CERCAM: variants seen among roughly 807,000 people sequenced by gnomAD.
CERCAM encodes the protein cerebral endothelial cell adhesion molecule.
Under a neutral mutation model 66.0 loss-of-function variants are expected in CERCAM, and 59 were observed. That is an observed-to-expected ratio of 0.89 (90% CI 0.73 to 1.11). The LOEUF is 1.11. CERCAM is among the 50% of genes most tolerant of loss of function. The probability of loss-of-function intolerance (pLI) is 0.00; values close to 1 mark genes in which losing one functional copy is unlikely to be tolerated. For synonymous variants in CERCAM, 318 were observed against 343.6 expected, an observed-to-expected ratio of 0.93 and a Z score of 0.83; for missense variants, 840 against 828.3, an observed-to-expected ratio of 1.01 and a Z score of -0.17.
At chr9:128,424,761 CT>C (rs1564426293) in intron 5 of CERCAM, 147 bp downstream of exon 5, 1 of 678,672 alleles carries the variant, frequency 1.5e-6, no homozygotes, top group African/African-American at 1.9e-5. Context: ...TTTCTTTTCT[CT>C]CTCTTTTTTT....
intron 9 of CERCAM, chr9:128,431,604 A>G: frequency 3.1e-6 from 1 of 321,364 alleles, no homozygotes; most frequent in South Asian, 4.4e-5. Context: ...CCTGGGGCTC[A>G]GGGACCAGAG....
Position 128,429,974 on chromosome 9 carries a change from G to A in CERCAM, c.1070+938G>A, listed in dbSNP as rs538739420. ...CGGATTAAAAAAAATGTTTTGTTTT[G>A]TTTTTTTTTCATAGAGATAGGGTCT... On this transcript the variant is annotated intron_variant, in intron 8 of 12. Transcript: ENST00000372838. Among the ~76,000 whole-genome samples, 434 of 149,916 alleles carry A rather than the reference G, an allele frequency of 2.9e-3. 2 individuals are homozygous for A. Among genetic ancestry groups the A allele is most frequent in the African/African-American group, 9.6e-3 (394 of 40,856 alleles).
intron 9 of CERCAM, among the ~76,000 whole-genome samples, chr9:128,432,896 C>T (rs1834007751): frequency 6.6e-6 from 1 of 151,696 alleles, no homozygotes; most frequent in South Asian, 2.1e-4. Flanking sequence ...GCCTGTAATC[C>T]CAGCTGAGGC....
In CERCAM at chr9:128,434,540, C is replaced by T. The variant is rs1267128291; in HGVS notation, c.1462C>T (p.Leu488=). The change falls in exon 11 of 13, where the codon CTG becomes TTG. Residue 488 remains leucine (L), a synonymous_variant. Transcript: ENST00000372838. This position sits in a 1 kb window ranked among gnomAD's most constrained non-coding sequence, Gnocchi z 4.5. ...ALRLAGARKL[L]ASQPLRRMLP... ...GCGTCTGGCGGGTGCCCGCAAGCTG[C>T]TGGCCTCACAGCCTCTGCGCCGCAT... is the stretch of plus-strand genomic sequence containing the variant. The T allele has an allele frequency of 6.2e-7, 1 of 1,612,540 alleles. No individual in the cohort carries two copies.
chr9:128,433,033 A>T (rs1206775858), intron 9 of CERCAM, among the ~76,000 whole-genome samples: 1 of 151,988 alleles, frequency 6.6e-6, no homozygotes, highest in African/African-American at 2.4e-5. Flanking sequence ...TAATCCCAGC[A>T]CTTTGGGAGG....
chr9:128,425,954 A>G (rs1833836675), intron 5 of CERCAM, among the ~76,000 whole-genome samples: 1 of 150,516 alleles, frequency 6.6e-6, no homozygotes. Flanking sequence ...ACAGGTGCAC[A>G]CCACCATGCC....
At chr9:128,435,152 C>T (rs1007916178) in intron 11 of CERCAM, among the ~76,000 whole-genome samples, 5 of 152,262 alleles carry the variant, frequency 3.3e-5, no homozygotes, top group East Asian at 1.9e-4. Context: ...TGCCACCACA[C>T]CAAGCTAACT....
chr9:128,429,860 C>G (rs554309050), intron 8 of CERCAM, among the ~76,000 whole-genome samples: 1 of 152,014 alleles, frequency 6.6e-6, no homozygotes, highest in East Asian at 1.9e-4. Context: ...GCAATCTTGG[C>G]TCACTGCAAC....
At chr9:128,429,826 C>G (rs546056682) in intron 8 of CERCAM, among the ~76,000 whole-genome samples, 149 of 151,014 alleles carry the variant, frequency 9.9e-4, no homozygotes, top group African/African-American at 3.6e-3. Context: ...CTCGCTCTGT[C>G]GCCCAGGCCT....
intron 5 of CERCAM, among the ~76,000 whole-genome samples, chr9:128,426,391 G>A (rs911430614): frequency 2.0e-5 from 3 of 152,096 alleles, no homozygotes; most frequent in Non-Finnish European, 4.4e-5. Context: ...TTGGGAGGCC[G>A]AGGCAGGTGG....
chr9:128,431,241 G>C lies in CERCAM; in HGVS notation c.1141G>C (p.Gly381Arg), dbSNP rs1162783935. ...LLPGYQDPYS[G>R]RTLTKGEVGC... ...CCCGGGCTACCAGGACCCTTACTCGGGCCGCACTCTGACCAAGGGCGAGGT... is the reference window on the plus strand; with the variant it reads ...CCCGGGCTACCAGGACCCTTACTCGCGCCGCACTCTGACCAAGGGCGAGGT... Residue 381 changes from glycine (G) to arginine (R), a missense_variant, in exon 9 of 13, where the codon GGC becomes CGC. Physicochemically the swap from Gly to Arg is moderately radical, Grantham distance 125. Transcript: ENST00000372838. 2 of 1,613,986 alleles carry C rather than the reference G, an allele frequency of 1.2e-6. No homozygotes were observed. Among genetic ancestry groups the C allele is most frequent in the Admixed American group, 1.7e-5 (1 of 60,006 alleles).
chr9:128,428,952 G>C lies in CERCAM; in HGVS notation c.986G>C (p.Arg329Pro), dbSNP rs748054332. The change falls in exon 8 of 13, where the codon CGC becomes CCC. Residue 329 changes from arginine to proline, a missense_variant. Transcript: ENST00000372838. ...FDEVFVISLA[R>P]RPDRRERMLA... ...CAGGTCTTTGTCATCAGCCTGGCTC[G>C]CAGGCCTGACCGTCGGGAACGCATG... 2 of 1,609,898 alleles carry C rather than the reference G, an allele frequency of 1.2e-6. No individual in the cohort carries two copies. Among genetic ancestry groups the C allele is most frequent in the Middle Eastern group, 1.7e-4 (1 of 6,046 alleles).
chr9:128,422,684 C>T, intron 1 of CERCAM, 184 bp from the exon 2 acceptor site: 4 of 595,126 alleles, frequency 6.7e-6, no homozygotes, highest in African/African-American at 1.8e-5. Flanking sequence ...GGTCACACAG[C>T]AGGTCACAGA....
At chr9:128,429,587 C>T (rs1833927393) in intron 8 of CERCAM, among the ~76,000 whole-genome samples, 1 of 151,984 alleles carries the variant, frequency 6.6e-6, no homozygotes, top group African/African-American at 2.4e-5. Context: ...CCATTTGCTT[C>T]AAGTACTCAG....
chr9:128,424,740 G>T, intron 5 of CERCAM, 126 bp downstream of exon 5: 1 of 839,028 alleles, frequency 1.2e-6, no homozygotes, highest in Non-Finnish European at 1.8e-6. Flanking sequence ...TTACAACTTT[G>T]GGTCATGAGT....
At chr9:128,430,467 T>A (rs1833949601) in intron 8 of CERCAM, among the ~76,000 whole-genome samples, 1 of 152,124 alleles carries the variant, frequency 6.6e-6, no homozygotes, top group African/African-American at 2.4e-5. Context: ...CTTGAACTCC[T>A]GGCCTCAAGC....
At chr9:128,425,808 G>A (rs1758020277) in intron 5 of CERCAM, among the ~76,000 whole-genome samples, 1 of 145,778 alleles carries the variant, frequency 6.9e-6, no homozygotes, top group African/African-American at 2.6e-5. Flanking sequence ...ACTGAGCCCA[G>A]CCCAGCCTTT....
chr9:128,421,025 C>G lies in CERCAM; in HGVS notation c.148C>G (p.Leu50Val). 7.0e-7 allele frequency: 1 copy of G among 1,435,140 alleles called. No individual in the cohort carries two copies. Among genetic ancestry groups the G allele is most frequent in the Middle Eastern group, 1.9e-4 (1 of 5,298 alleles). The allele number at this position is 1,435,140 out of a possible 1,614,324, so 88.9% of individuals were successfully genotyped here. Residue 50 changes from leucine to valine, a missense_variant, in exon 1 of 13, where the codon CTG becomes GTG. Transcript: ENST00000372838. ...TGCCGAACACTCGCTGCCCCACTAC[C>G]TGGGCGCTCTGGAGCGGCTGGACTA... ...RNAEHSLPHY[L>V]GALERLDYPR...
chr9:128,426,639 G>T (rs1833854569), intron 5 of CERCAM, among the ~76,000 whole-genome samples: 1 of 151,342 alleles, frequency 6.6e-6, no homozygotes, highest in African/African-American at 2.4e-5. Flanking sequence ...AAAAAATCCA[G>T]TCCTGAGGAT....
Sources: allele counts gnomAD v4.1 joint callset (sites outside exome capture counted in the v4.1 genomes callset), GRCh38; gene constraint gnomAD v4.1.1; non-coding constraint Gnocchi (gnomAD v3.1); transcripts MANE v1.5; gene names NCBI Gene and HGNC (gene_info 2026-07-23, HGNC 2026-07-21).